Variants in EDA2R observed in about 807,000 individuals in gnomAD.
EDA2R encodes ectodysplasin A2 receptor.
In EDA2R, 26 loss-of-function variants were observed where a neutral mutation model predicts 20.1. The ratio of observed to expected loss-of-function variants is 1.30; its 90% CI spans 0.95 to 1.80. EDA2R has a LOEUF of 1.80. Ranked by LOEUF, EDA2R falls within the 40% of genes most tolerant of loss-of-function variation. EDA2R has a pLI of 0.00. For missense variants in EDA2R, 277 were observed against 228.7 expected (o/e 1.21, Z -1.36); for synonymous variants, 114 against 88.7 (o/e 1.29, Z -1.60).
At chrX:66,613,440 G>A (rs942029342) in intron 2 of EDA2R, among the ~76,000 whole-genome samples, 2 of 110,991 alleles carry the variant, frequency 1.8e-5, no homozygotes, top group African/African-American at 6.5e-5. Context: ...CAGTAAAGTT[G>A]GTACATTTCC....
At position 66,599,475 on chromosome X, in the gene EDA2R, T is replaced by A; in HGVS notation, c.*9A>T. The A allele has an allele frequency of 8.8e-7, 1 of 1,138,952 alleles. No homozygotes were observed. Among genetic ancestry groups the A allele is most frequent in the Non-Finnish European group, 1.2e-6 (1 of 857,672 alleles). 93.9% of individuals were successfully genotyped at this position (1,138,952 alleles called of 1,213,427 possible). A position where few individuals can be genotyped will look rare whatever the true frequency, so the allele number is the denominator to read the frequency against. ...TTCTGATCCACCTTTCCAGCTCACC[T>A]CATTAGAGTTAAGGGCTGGGAACTT... On this transcript the variant is annotated splice_region_variant and 3_prime_UTR_variant, in exon 6 of 7. Coordinates refer to ENST00000374719, the MANE Select transcript of EDA2R (RefSeq NM_021783.5).
At chrX:66,624,906 G>C (rs1172705622) in intron 1 of EDA2R, among the ~76,000 whole-genome samples, 1 of 111,875 alleles carries the variant, frequency 8.9e-6, no homozygotes. Flanking sequence ...AACACACTGG[G>C]GAAACACACT....
At chrX:66,628,868 A>G (rs1189547121) in intron 1 of EDA2R, among the ~76,000 whole-genome samples, 2 of 111,150 alleles carry the variant, frequency 1.8e-5, no homozygotes, top group African/African-American at 6.5e-5. Context: ...TAATACCTAA[A>G]CCAGGAAAGG....
At chrX:66,629,370 G>T (rs1933480117) in intron 1 of EDA2R, among the ~76,000 whole-genome samples, 1 of 111,488 alleles carries the variant, frequency 9.0e-6, no homozygotes, top group South Asian at 3.8e-4. Context: ...GAAATAAAGG[G>T]CATCCAAACT....
rs779984547 is a variant in EDA2R at position 66,597,060 on chromosome X, C to A, written c.*1044G>T. 4.4e-5 allele frequency: 5 copies of A among 113,251 alleles called. No homozygotes were observed. Among genetic ancestry groups the A allele is most frequent in the African/African-American group, 1.6e-4 (5 of 31,264 alleles). 9.3% of individuals were successfully genotyped at this position (113,251 alleles called of 1,213,427 possible). ...TGTAGACAGCACTCCTTTGCCAGAG[C>A]TAGAACCTGGTGATGAAGTGCACAT... On this transcript the variant is annotated 3_prime_UTR_variant, in exon 7 of 7. Transcript: ENST00000374719.
At chrX:66,609,940 A>G (rs1930423844) in intron 2 of EDA2R, among the ~76,000 whole-genome samples, 1 of 111,922 alleles carries the variant, frequency 8.9e-6, no homozygotes, top group Non-Finnish European at 1.9e-5. Context: ...TACCAAAACA[A>G]AATATAAATA....
chrX:66,601,921 G>A lies in EDA2R; in HGVS notation c.517+712C>T, dbSNP rs1034263582. On this transcript the variant is annotated intron_variant, in intron 5 of 6. Transcript: ENST00000374719. ...AGTTGTGCTTAATAGAGATCACAAT[G>A]TTACTGTGACTTTAAATATGATTTT... Among the ~76,000 whole-genome samples the A allele has an allele frequency of 9.9e-5, 11 of 111,508 alleles. No homozygotes were observed. The East Asian group carries it at 2.8e-3, about 29-fold the overall frequency.
intron 4 of EDA2R, among the ~76,000 whole-genome samples, chrX:66,604,107 A>T (rs1215049105): frequency 9.0e-6 from 1 of 111,462 alleles, no homozygotes; most frequent in East Asian, 2.8e-4. Flanking sequence ...AGGTTTACAA[A>T]TATTATAATT....
intron 2 of EDA2R, among the ~76,000 whole-genome samples, chrX:66,611,298 G>A (rs903227873): frequency 9.0e-6 from 1 of 111,149 alleles, no homozygotes; most frequent in Non-Finnish European, 1.9e-5. Context: ...AGAACACAAC[G>A]AAAAACCACC....
At position 66,602,671 on chromosome X, in the gene EDA2R, A is replaced by T. The variant is rs1350821454; in HGVS notation, c.479T>A (p.Leu160His). 1 of 1,201,769 alleles carries T rather than the reference A, an allele frequency of 8.3e-7. No homozygotes were observed. The highest frequency in any genetic ancestry group is 2.2e-5 in the Admixed American group (1 of 44,977). Reference protein sequence around the residue: ...FTLAFLGLFFLYCKQFFNRHC... With the variant: ...FTLAFLGLFFHYCKQFFNRHC... ...TCTGTTGAAGAACTGCTTGCAGTAG[A>T]GGAAGAAGAGCCCCAGGAAGGCCAG... is the stretch of plus-strand genomic sequence containing the variant. Residue 160 changes from leucine to histidine, a missense_variant, in exon 5 of 7, where the codon CTC becomes CAC. Coordinates refer to ENST00000374719, the MANE Select transcript of EDA2R (RefSeq NM_021783.5).
chrX:66,622,846 T>A, intron 1 of EDA2R, among the ~76,000 whole-genome samples: 1 of 112,400 alleles, frequency 8.9e-6, no homozygotes, highest in South Asian at 3.7e-4. Flanking sequence ...CCTTCCAAAC[T>A]ATCAAACATC....
At chrX:66,637,105 C>T (rs1934405443) in intron 1 of EDA2R, among the ~76,000 whole-genome samples, 1 of 112,009 alleles carries the variant, frequency 8.9e-6, no homozygotes. Flanking sequence ...TCAGAAGGTA[C>T]ATACTCTTTC....
chrX:66,629,580 C>A (rs1196437538), intron 1 of EDA2R, among the ~76,000 whole-genome samples: 2 of 111,497 alleles, frequency 1.8e-5, no homozygotes, highest in Non-Finnish European at 3.8e-5. Context: ...AACAACTCAA[C>A]CCCTTTTACA....
chrX:66,621,905 T>G (rs898005338), intron 1 of EDA2R, among the ~76,000 whole-genome samples: 1 of 112,521 alleles, frequency 8.9e-6, no homozygotes, highest in Admixed American at 9.4e-5. Flanking sequence ...ATGTGAATTA[T>G]ATCTCATTTT....
intron 1 of EDA2R, among the ~76,000 whole-genome samples, chrX:66,630,946 C>T (rs940641647): frequency 3.7e-5 from 4 of 108,413 alleles, no homozygotes; most frequent in Non-Finnish European, 5.8e-5. Flanking sequence ...CATATATACA[C>T]GTATGTGTGT....
In EDA2R at chrX:66,599,850, C is replaced by A. The variant is rs905890517; in HGVS notation, c.528G>T (p.Leu176=). 16 of 1,203,933 alleles carry A rather than the reference C, an allele frequency of 1.3e-5. No homozygotes were observed. Among genetic ancestry groups the A allele is most frequent in the Non-Finnish European group, 1.8e-5 (16 of 891,971 alleles). ...FNRHCQRGGL[L]QFEADKTAKE... Reference sequence around the variant, plus strand: ...TTGCTGTTTTATCAGCCTCAAACTGCAGCAAACCTCCTGCAACTCGAAGCA... The same window carrying A: ...TTGCTGTTTTATCAGCCTCAAACTGAAGCAAACCTCCTGCAACTCGAAGCA... Residue 176 remains leucine, a synonymous_variant, in exon 6 of 7, where the codon CTG becomes CTT. Coordinates refer to ENST00000374719, the MANE Select transcript of EDA2R (RefSeq NM_021783.5).
chrX:66,600,905 T>C (rs1026944630), intron 5 of EDA2R, among the ~76,000 whole-genome samples: 4 of 112,307 alleles, frequency 3.6e-5, no homozygotes, highest in Non-Finnish European at 7.5e-5. Flanking sequence ...TATTTCCATA[T>C]GGTTACAAAC....
At chrX:66,617,146 C>A (rs1931837684) in intron 1 of EDA2R, among the ~76,000 whole-genome samples, 1 of 112,092 alleles carries the variant, frequency 8.9e-6, no homozygotes, top group African/African-American at 3.2e-5. Context: ...TAAATGTGTA[C>A]TCTTAGTCAG....
At chrX:66,599,002 T>C (rs1489152317) in intron 6 of EDA2R, among the ~76,000 whole-genome samples, 2 of 111,983 alleles carry the variant, frequency 1.8e-5, no homozygotes, top group African/African-American at 6.5e-5. Context: ...TAACTTTCCC[T>C]CTCTGTGTCT....
Sources: gnomAD v4.1 joint callset for allele counts (sites outside exome capture counted in the v4.1 genomes callset) on GRCh38, gnomAD v4.1.1 for gene constraint, MANE v1.5 for transcripts, NCBI Gene and HGNC (gene_info 2026-07-23, HGNC 2026-07-21) for gene names.